Variants in TP53I3 observed in about 807,000 individuals in gnomAD.
TP53I3 encodes the protein tumor protein p53 inducible protein 3.
Under a neutral mutation model 27.7 loss-of-function variants are expected in TP53I3, and 32 were observed. That is an observed-to-expected ratio of 1.16 (90% CI 0.87 to 1.55). The LOEUF (loss-of-function observed/expected upper bound fraction) is 1.55, where lower values mean the gene tolerates loss of function less well. Ranked by LOEUF, TP53I3 falls within the 40% of genes most tolerant of loss-of-function variation. The probability of loss-of-function intolerance (pLI) is 0.00; values close to 1 mark genes in which losing one functional copy is unlikely to be tolerated. For synonymous variants in TP53I3, 138 were observed against 167.8 expected (o/e 0.82, Z 1.37); for missense variants, 372 against 412.3 (o/e 0.90, Z 0.85).
chr2:24,081,096 T>G, intron 2 of TP53I3, 65 bp from the exon 3 acceptor site: 1 of 1,460,130 alleles, frequency 6.8e-7, no homozygotes, highest in Non-Finnish European at 9.3e-7. Context: ...CACAGGCATA[T>G]TCTATCAAGA....
rs1488634856 is a variant in TP53I3 at position 24,080,800 on chromosome 2, T to G, written c.619+19A>C. The G allele has an allele frequency of 6.2e-7, 1 of 1,613,798 alleles. No homozygotes were observed. Among genetic ancestry groups the G allele is most frequent in the African/African-American group, 1.3e-5 (1 of 74,904 alleles). ...ATCATCTCTTAAATTCCTGCTGAAC[T>G]GTAGAAGCAGTTGTTTACCTTTGGT... On this transcript the variant is annotated intron_variant, in intron 3 of 4. Transcript: ENST00000238721. The surrounding 1 kb of genome is among the most constrained non-coding windows in gnomAD (Gnocchi z 4.7).
At position 24,079,513 on chromosome 2, in the gene TP53I3, G is replaced by C. The variant is rs748848728; in HGVS notation, c.747C>G (p.Pro249=). 7 of 1,614,058 alleles carry C rather than the reference G, an allele frequency of 4.3e-6. No individual in the cohort carries two copies. The highest frequency in any genetic ancestry group is 5.9e-6 in the Non-Finnish European group (7 of 1,180,008). ...GLMGGGDING[P]LFSKLLFKRG... ...GCTTAAAAAGTAGCTTTGAAAACAG[G>C]GGCCCATTGATGTCACCTCCTCCCA... The change falls in exon 4 of 5, where the codon CCC becomes CCG. Residue 249 remains proline (P), a synonymous_variant. Transcript: ENST00000238721.
At chr2:24,079,327 T>G in intron 4 of TP53I3, 117 bp downstream of exon 4, 6 of 1,098,946 alleles carry the variant, frequency 5.5e-6, no homozygotes, top group South Asian at 1.8e-5. Context: ...GAGGGGGAGG[T>G]TTCTTCATAG....
chr2:24,081,404 T>G (rs911423210), intron 2 of TP53I3, among the ~76,000 whole-genome samples: 1 of 151,802 alleles, frequency 6.6e-6, no homozygotes, highest in East Asian at 1.9e-4. Context: ...CAACTACCAT[T>G]CCCATGGTCA....
intron 2 of TP53I3, 38 bp from the exon 3 acceptor site, chr2:24,081,069 C>A (rs757595637): frequency 1.9e-6 from 3 of 1,579,794 alleles, no homozygotes; most frequent in African/African-American, 1.4e-5. Context: ...TACTTTGCAA[C>A]TGCTACACAT....
intron 4 of TP53I3, among the ~76,000 whole-genome samples, chr2:24,078,197 T>C (rs1664844530): frequency 2.0e-5 from 3 of 150,970 alleles, no homozygotes; most frequent in African/African-American, 7.3e-5. Context: ...CCCACCCCCA[T>C]ATATCTCCTA....
chr2:24,081,385 A>C (rs1664995104), intron 2 of TP53I3, among the ~76,000 whole-genome samples: 2 of 151,870 alleles, frequency 1.3e-5, no homozygotes. Flanking sequence ...ACACCTGAAT[A>C]AGTAAGAACA....
chr2:24,083,180 T>A (rs1203630210), intron 1 of TP53I3, 28 bp from the exon 2 acceptor site: 1 of 1,564,768 alleles, frequency 6.4e-7, no homozygotes, highest in South Asian at 1.2e-5. Flanking sequence ...CACTAAGTGG[T>A]GAGCATGATC....
intron 4 of TP53I3, among the ~76,000 whole-genome samples, chr2:24,078,600 C>T (rs551606257): frequency 6.6e-6 from 1 of 152,064 alleles, no homozygotes; most frequent in African/African-American, 2.4e-5. Flanking sequence ...TACAGGTGAT[C>T]TCTGGCTCCC....
chr2:24,080,939 T>C lies in TP53I3; in HGVS notation c.499A>G (p.Ile167Val). ...TGGGAGCCAGCTGTGACCAGAGGAATAGCTCCAGCCATCCGGGTGAGTTGG... is the reference window on the plus strand; with the variant it reads ...TGGGAGCCAGCTGTGACCAGAGGAACAGCTCCAGCCATCCGGGTGAGTTGG... ...AIQLTRMAGA[I>V]PLVTAGSQKK... is the part of the protein sequence containing the mutation. Residue 167 changes from isoleucine (I) to valine (V), a missense_variant, in exon 3 of 5, where the codon ATT (isoleucine) becomes GTT (valine). Physicochemically the swap from Ile to Val is conservative, Grantham distance 29. Transcript: ENST00000238721. This position sits in a 1 kb window ranked among gnomAD's most constrained non-coding sequence, Gnocchi z 4.7. 3 of 1,614,206 alleles carry C rather than the reference T, an allele frequency of 1.9e-6. No homozygotes were observed. The South Asian group carries it at 3.3e-5, about 18-fold the overall frequency.
chr2:24,081,472 C>T (rs1041407268), intron 2 of TP53I3, among the ~76,000 whole-genome samples: 5 of 152,206 alleles, frequency 3.3e-5, no homozygotes, highest in African/African-American at 1.2e-4. Context: ...TCTTCCTGAT[C>T]CAGGCAACAC....
chr2:24,082,009 C>G (rs1475270888), intron 2 of TP53I3, among the ~76,000 whole-genome samples: 1 of 149,524 alleles, frequency 6.7e-6, no homozygotes, highest in African/African-American at 2.5e-5. Flanking sequence ...CTTTCTTTTT[C>G]TTTGAGACAG....
chr2:24,084,786 G>T lies in TP53I3; in HGVS notation c.-460C>A, dbSNP rs1665187762. ...GCGGCGCCGAGTGGTTCTGGCTCCT[G>T]CGGGTCCCGGTGACAAAGCCCGAGC... On this transcript the variant is annotated 5_prime_UTR_variant, in exon 1 of 5. Transcript: ENST00000238721. This position sits in a 1 kb window ranked among gnomAD's most constrained non-coding sequence, Gnocchi z 8.4. The T allele has an allele frequency of 6.5e-6, 1 of 154,168 alleles. No homozygotes were observed. Among genetic ancestry groups the T allele is most frequent in the African/African-American group, 2.4e-5 (1 of 41,500 alleles). 9.6% of individuals were successfully genotyped at this position (154,168 alleles called of 1,614,324 possible).
At chr2:24,083,688 TCAG>T (rs1191237107) in intron 1 of TP53I3, among the ~76,000 whole-genome samples, 1 of 152,144 alleles carries the variant, frequency 6.6e-6, no homozygotes, top group Non-Finnish European at 1.5e-5. Flanking sequence ...GGTCAGTAAA[TCAG>T]CATCAGACAG....
rs1664903082 is a variant in TP53I3, at chr2:24,079,472, G to A, written c.788C>T (p.Thr263Ile). The change falls in exon 4 of 5, where the codon ACC (threonine) becomes ATC (isoleucine). Residue 263 changes from threonine (T) to isoleucine (I), a missense_variant. Physicochemically the swap from Thr to Ile is moderately conservative, Grantham distance 89. Coordinates refer to ENST00000238721, the MANE Select transcript of TP53I3 (RefSeq NM_004881.5). Reference protein sequence around the residue: ...KLLFKRGSLITSLLRSRDNKY... With the variant: ...KLLFKRGSLIISLLRSRDNKY... ...ATTGTCCCTAGACCTCAGCAAACTG[G>A]TGATCAGACTTCCTCGCTTAAAAAG... 12 of 1,614,056 alleles carry A rather than the reference G, an allele frequency of 7.4e-6. No individual in the cohort carries two copies. Among genetic ancestry groups the A allele is most frequent in the Non-Finnish European group, 1.0e-5 (12 of 1,180,014 alleles).
At chr2:24,078,880 C>CT (rs35298792) in intron 4 of TP53I3, 1,630 of 149,740 alleles carry the variant, frequency 0.011, 27 homozygotes, top group African/African-American at 0.038. Context: ...AGCATATAAT[C>CT]TTTTTTTTTT....
intron 3 of TP53I3, 47 bp from the exon 4 acceptor site, chr2:24,079,687 TAA>T: frequency 6.4e-7 from 1 of 1,566,450 alleles, no homozygotes; most frequent in Non-Finnish European, 8.8e-7. Flanking sequence ...TGGTGCTAAA[TAA>T]GATACCATGG....
In TP53I3 at chr2:24,083,206, A is replaced by G. The variant is rs1300610896; in HGVS notation, c.139-54T>C. 6.6e-6 allele frequency: 10 copies of G among 1,507,808 alleles called. No individual in the cohort carries two copies. The South Asian group carries it at 9.3e-5, about 14-fold the overall frequency. The allele number at this position is 1,507,808 out of a possible 1,614,324, so 93.4% of individuals were successfully genotyped here. On this transcript the variant is annotated intron_variant, in intron 1 of 4. Coordinates refer to ENST00000238721, the MANE Select transcript of TP53I3 (RefSeq NM_004881.5). ...GAGCATGATCAGAAATCTGTATGTC[A>G]CTACCCCTGGCCCCCCTTCCAAGAT... is the stretch of plus-strand genomic sequence containing the variant.
intron 4 of TP53I3, among the ~76,000 whole-genome samples, chr2:24,078,311 G>A (rs765925874): frequency 4.6e-5 from 7 of 151,690 alleles, no homozygotes; most frequent in Non-Finnish European, 8.8e-5. Flanking sequence ...TACTTTGGCC[G>A]AATCACTTGA....
Sources: allele counts gnomAD v4.1 joint callset (sites outside exome capture counted in the v4.1 genomes callset), GRCh38; gene constraint gnomAD v4.1.1; non-coding constraint Gnocchi (gnomAD v3.1); transcripts MANE v1.5; gene names NCBI Gene and HGNC (gene_info 2026-07-23, HGNC 2026-07-21).